The following BMPR1B variants were observed in gnomAD, a reference collection of about 807,000 sequenced individuals.
The protein encoded by BMPR1B is bone morphogenetic protein receptor type-1B.
In BMPR1B, 12 loss-of-function variants were observed where a neutral mutation model predicts 59.1. The ratio of observed to expected loss-of-function variants is 0.20; its 90% CI spans 0.13 to 0.33. The LOEUF is 0.33. Ranked by LOEUF, BMPR1B falls within the 10% of genes least tolerant of loss-of-function variation. BMPR1B has a pLI of 1.00. For synonymous variants in BMPR1B, 237 were observed against 207.3 expected (o/e 1.14, Z -1.23); for missense variants, 550 against 610.9 (o/e 0.90, Z 1.05).
At chr4:95,073,413 C>T (rs1228595318) in intron 3 of BMPR1B, among the ~76,000 whole-genome samples, 1 of 152,074 alleles carries the variant, frequency 6.6e-6, no homozygotes, top group East Asian at 1.9e-4. Context: ...AGTGTGAAAA[C>T]CCTTTTTTTA....
At chr4:94,824,986 C>T (rs1724331895) in intron 1 of BMPR1B, among the ~76,000 whole-genome samples, 1 of 152,090 alleles carries the variant, frequency 6.6e-6, no homozygotes, top group Admixed American at 6.6e-5. Context: ...CAGAAAATTT[C>T]AATACAAGCT....
At chr4:95,016,559 T>G (rs1428621032) in intron 3 of BMPR1B, among the ~76,000 whole-genome samples, 3 of 152,216 alleles carry the variant, frequency 2.0e-5, no homozygotes, top group Non-Finnish European at 4.4e-5. Flanking sequence ...TGTTAAAATA[T>G]TGCAGGTATT....
Position 95,148,743 on chromosome 4 carries a change from C to G in BMPR1B, c.1077-5C>G. Reference sequence around the variant, plus strand: ...CTGTAATGCTTTGCTTTACTTTTTCCTTAGTGATACAAATGAAGTTGACAT... The same window carrying G: ...CTGTAATGCTTTGCTTTACTTTTTCGTTAGTGATACAAATGAAGTTGACAT... On this transcript the variant is annotated splice_polypyrimidine_tract_variant and splice_region_variant and intron_variant, in intron 10 of 12. Coordinates refer to ENST00000515059, the MANE Select transcript of BMPR1B (RefSeq NM_001203.3). The G allele has an allele frequency of 6.2e-7, 1 of 1,613,546 alleles. No homozygotes were observed. Among genetic ancestry groups the G allele is most frequent in the South Asian group, 1.1e-5 (1 of 91,050 alleles).
At chr4:95,003,241 A>G (rs1292861199) in intron 3 of BMPR1B, among the ~76,000 whole-genome samples, 1 of 152,208 alleles carries the variant, frequency 6.6e-6, no homozygotes, top group Non-Finnish European at 1.5e-5. Flanking sequence ...TGTTAATACT[A>G]TAGTCCACAA....
intron 1 of BMPR1B, among the ~76,000 whole-genome samples, chr4:94,789,854 T>A (rs1722908562): frequency 6.6e-6 from 1 of 152,126 alleles, no homozygotes; most frequent in Non-Finnish European, 1.5e-5. Flanking sequence ...CTGGATGGGT[T>A]CACTGATAGG....
chr4:94,949,832 T>C (rs1428586368), intron 2 of BMPR1B, among the ~76,000 whole-genome samples: 1 of 152,140 alleles, frequency 6.6e-6, no homozygotes, highest in Non-Finnish European at 1.5e-5. Flanking sequence ...GGTCAAATGG[T>C]ATTTCTAGTT....
chr4:94,868,018 A>ATTTTTTTTTTTT (rs66760751), intron 1 of BMPR1B, among the ~76,000 whole-genome samples: 1 of 141,328 alleles, frequency 7.1e-6, no homozygotes, highest in Non-Finnish European at 1.5e-5. Flanking sequence ...TGCCCCGCTA[A>ATTTTTTTTTTTT]TTTTTTTTTT....
chr4:95,066,608 A>G lies in BMPR1B; in HGVS notation c.-17-37800A>G, dbSNP rs1727824378. ...TCAAAGTGAGAAAATATGCAGTGCC[A>G]GAAGCTTGTGTGAGGGAGTGGAAAT... On this transcript the variant is annotated intron_variant, in intron 3 of 12. Transcript: ENST00000515059. Among the ~76,000 whole-genome samples the G allele has an allele frequency of 2.0e-5, 3 of 152,228 alleles. No individual in the cohort carries two copies. The South Asian group carries it at 6.2e-4, about 31-fold the overall frequency.
At chr4:94,993,683 T>C (rs1036539706) in intron 2 of BMPR1B, among the ~76,000 whole-genome samples, 4 of 140,580 alleles carry the variant, frequency 2.8e-5, no homozygotes, top group Non-Finnish European at 6.0e-5. Flanking sequence ...ATTGCCTGAA[T>C]CCAGGAGGTG....
At chr4:94,829,222 C>T (rs1195030441) in intron 1 of BMPR1B, among the ~76,000 whole-genome samples, 1 of 151,710 alleles carries the variant, frequency 6.6e-6, no homozygotes, top group South Asian at 2.1e-4. Flanking sequence ...GGGAGGCGTG[C>T]TTTTATCCTT....
chr4:95,082,883 A>G (rs1381996305), intron 3 of BMPR1B, among the ~76,000 whole-genome samples: 8 of 150,862 alleles, frequency 5.3e-5, no homozygotes, highest in Admixed American at 5.3e-4. Context: ...CTAAAAATAC[A>G]AAAAATTAGC....
intron 10 of BMPR1B, among the ~76,000 whole-genome samples, chr4:95,144,488 TTTA>T (rs754238602): frequency 1.8e-3 from 228 of 126,104 alleles, no homozygotes; most frequent in African/African-American, 6.4e-3. Flanking sequence ...CTTTTTTTTT[TTTA>T]AAAAAAATAC....
At chr4:95,034,709 G>C (rs1352079982) in intron 3 of BMPR1B, among the ~76,000 whole-genome samples, 1 of 151,316 alleles carries the variant, frequency 6.6e-6, no homozygotes, top group Admixed American at 6.6e-5. Context: ...TTATATTTTT[G>C]CAACTGTGAA....
intron 3 of BMPR1B, among the ~76,000 whole-genome samples, chr4:95,038,447 C>A (rs2149168164): frequency 6.6e-6 from 1 of 152,232 alleles, no homozygotes; most frequent in East Asian, 1.9e-4. Context: ...TTTCCATAGG[C>A]TATTTCTATT....
At chr4:95,117,503 C>T (rs539319039) in intron 6 of BMPR1B, among the ~76,000 whole-genome samples, 5 of 152,098 alleles carry the variant, frequency 3.3e-5, no homozygotes, top group African/African-American at 1.2e-4. Flanking sequence ...GAGATGAGGG[C>T]TGGGCACAGT....
intron 3 of BMPR1B, among the ~76,000 whole-genome samples, chr4:94,998,198 A>G (rs1722190580): frequency 3.3e-5 from 5 of 152,082 alleles, no homozygotes. Flanking sequence ...TATAAATAAT[A>G]TTTTATATGC....
At chr4:95,101,686 A>T (rs371258264) in intron 3 of BMPR1B, among the ~76,000 whole-genome samples, 2 of 152,278 alleles carry the variant, frequency 1.3e-5, no homozygotes, top group African/African-American at 4.8e-5. Flanking sequence ...ATTTCATTAG[A>T]TTATTCAAAA....
chr4:94,811,861 T>A (rs1381014271), intron 1 of BMPR1B, among the ~76,000 whole-genome samples: 2 of 152,220 alleles, frequency 1.3e-5, no homozygotes, highest in Non-Finnish European at 2.9e-5. Flanking sequence ...CGTGCCAGTA[T>A]TTCCATATAA....
intron 3 of BMPR1B, among the ~76,000 whole-genome samples, chr4:95,099,206 G>C (rs1484769628): frequency 6.6e-6 from 1 of 152,174 alleles, no homozygotes; most frequent in Admixed American, 6.5e-5. Context: ...ATACCATCAT[G>C]AAGATTAGCT....
Sources: allele counts gnomAD v4.1 joint callset (sites outside exome capture counted in the v4.1 genomes callset), GRCh38; gene constraint gnomAD v4.1.1; transcripts MANE v1.5; gene names NCBI Gene and HGNC (gene_info 2026-07-23, HGNC 2026-07-21).